NXPE1: variants seen among roughly 807,000 people sequenced by gnomAD.
NXPE1 encodes the protein NXPE family member 1.
A neutral mutation model predicts 33.3 loss-of-function variants in NXPE1; 31 were observed. The ratio of observed to expected loss-of-function variants is 0.93; its 90% CI spans 0.70 to 1.26. The LOEUF (loss-of-function observed/expected upper bound fraction) is 1.26, where lower values mean the gene tolerates loss of function less well. Among genes scored for constraint, NXPE1 ranks in the 50% most tolerant of loss-of-function variants. NXPE1 has a pLI of 0.00. For missense variants in NXPE1, 661 were observed against 655.6 expected (o/e 1.01, Z -0.09); for synonymous variants, 229 against 231.4 (o/e 0.99, Z 0.09).
chr11:114,536,512 C>A (rs1206081684), intron 5 of NXPE1, among the ~76,000 whole-genome samples: 1 of 151,830 alleles, frequency 6.6e-6, no homozygotes, highest in Non-Finnish European at 1.5e-5. Context: ...TTGAAAAGAT[C>A]AACAAAATTG....
chr11:114,522,486 G>A (rs1289996095), exon 9 of NXPE1: 1 of 1,597,434 alleles, frequency 6.3e-7, no homozygotes, highest in African/African-American at 1.3e-5. Context: ...GTTTCATGAA[G>A]ATCAAAAAAC....
chr11:114,543,876 T>C (rs972851994), intron 5 of NXPE1, among the ~76,000 whole-genome samples: 1 of 152,172 alleles, frequency 6.6e-6, no homozygotes, highest in African/African-American at 2.4e-5. Context: ...ACTAAGTAAA[T>C]ATAGCAAGGT....
At chr11:114,537,634 G>A (rs1004066577) in intron 5 of NXPE1, among the ~76,000 whole-genome samples, 20 of 151,954 alleles carry the variant, frequency 1.3e-4, no homozygotes, top group African/African-American at 1.9e-4. Context: ...TTATACACCA[G>A]TAACAGACAA....
At chr11:114,533,171 T>C (rs1046640501) in intron 5 of NXPE1, among the ~76,000 whole-genome samples, 1 of 152,206 alleles carries the variant, frequency 6.6e-6, no homozygotes, top group African/African-American at 2.4e-5. Context: ...TTCTTTATTT[T>C]TTATAGATGT....
exon 9 of NXPE1, chr11:114,522,306 T>C: frequency 1.2e-6 from 2 of 1,614,090 alleles, no homozygotes; most frequent in Non-Finnish European, 8.5e-7. Flanking sequence ...CCAAAGGTGA[T>C]GACGATGGCT....
At chr11:114,526,056 G>T (rs539591247) in intron 7 of NXPE1, among the ~76,000 whole-genome samples, 1 of 152,190 alleles carries the variant, frequency 6.6e-6, no homozygotes, top group Non-Finnish European at 1.5e-5. Context: ...GGAAGAGGGA[G>T]GCAGAAGAGT....
chr11:114,533,840 T>G (rs1375049000), intron 5 of NXPE1, among the ~76,000 whole-genome samples: 1 of 152,196 alleles, frequency 6.6e-6, no homozygotes, highest in Non-Finnish European at 1.5e-5. Context: ...GCCTGCCTCT[T>G]TAGGCTCCAC....
chr11:114,524,011 A>G (rs1363923790), intron 7 of NXPE1, among the ~76,000 whole-genome samples: 3 of 152,238 alleles, frequency 2.0e-5, no homozygotes, highest in Non-Finnish European at 2.9e-5. Context: ...ATGCCATTGC[A>G]TGGTGTCAGG....
At chr11:114,523,022 T>C (rs1947262196) in exon 8 of NXPE1, 1 of 1,613,612 alleles carries the variant, frequency 6.2e-7, no homozygotes, top group South Asian at 1.1e-5. Flanking sequence ...CCATTTTCCT[T>C]GTAAAGTATA....
At chr11:114,532,592 C>T (rs1947623915) in intron 5 of NXPE1, among the ~76,000 whole-genome samples, 1 of 151,720 alleles carries the variant, frequency 6.6e-6, no homozygotes, top group Non-Finnish European at 1.5e-5. Flanking sequence ...AAAAACAAAC[C>T]AATTAATTTT....
intron 1 of NXPE1, 70 bp downstream of exon 1, chr11:114,559,728 C>T (rs1948735351): frequency 6.6e-6 from 1 of 152,162 alleles, no homozygotes. Context: ...TTTGTTCTTC[C>T]CTGCCCTCCA....
chr11:114,556,124 T>TG (rs1314010936), intron 1 of NXPE1, among the ~76,000 whole-genome samples: 3 of 152,238 alleles, frequency 2.0e-5, no homozygotes, highest in Non-Finnish European at 1.5e-5. Flanking sequence ...TAGGTAAATT[T>TG]GGGGAGAATT....
At chr11:114,525,210 C>G (rs879889877) in intron 7 of NXPE1, among the ~76,000 whole-genome samples, 2 of 151,760 alleles carry the variant, frequency 1.3e-5, no homozygotes, top group Non-Finnish European at 2.9e-5. Context: ...GTGTCAGACT[C>G]TTTTTTGGCC....
At chr11:114,555,052 T>TC (rs1466119366) in intron 1 of NXPE1, among the ~76,000 whole-genome samples, 4 of 152,078 alleles carry the variant, frequency 2.6e-5, no homozygotes, top group African/African-American at 9.7e-5. Context: ...TTTTTTTTTT[T>TC]CATGGCAGTC....
chr11:114,546,534 T>C (rs1390488118), intron 5 of NXPE1, among the ~76,000 whole-genome samples: 1 of 151,400 alleles, frequency 6.6e-6, no homozygotes, highest in South Asian at 2.1e-4. Flanking sequence ...ATTCCTGGCC[T>C]CAAACGATCC....
intron 5 of NXPE1, among the ~76,000 whole-genome samples, chr11:114,547,560 C>T (rs372893679): frequency 2.1e-4 from 32 of 152,114 alleles, no homozygotes; most frequent in African/African-American, 5.8e-4. Flanking sequence ...CATGGTGAAA[C>T]GCATCTCTCC....
chr11:114,535,641 G>T (rs555680665), intron 5 of NXPE1, among the ~76,000 whole-genome samples: 23 of 151,944 alleles, frequency 1.5e-4, no homozygotes, highest in Non-Finnish European at 2.4e-4. Flanking sequence ...TCCTAGTCTC[G>T]GATAAAACAG....
At chr11:114,557,885 A>G (rs1948694423) in intron 1 of NXPE1, among the ~76,000 whole-genome samples, 1 of 151,842 alleles carries the variant, frequency 6.6e-6, no homozygotes, top group Non-Finnish European at 1.5e-5. Context: ...GGGCTATACA[A>G]TTCTAGATTG....
chr11:114,553,798 T>C, intron 1 of NXPE1: 4 of 977,000 alleles, frequency 4.1e-6, no homozygotes, highest in Non-Finnish European at 4.9e-6. Context: ...TGCTGGCTTA[T>C]GAAAGCCTAT....
Sources: gnomAD v4.1 joint callset for allele counts (sites outside exome capture counted in the v4.1 genomes callset) on GRCh38, gnomAD v4.1.1 for gene constraint, MANE v1.5 for transcripts, NCBI Gene and HGNC (gene_info 2026-07-23, HGNC 2026-07-21) for gene names.